Variants in KCNB2 observed in about 807,000 individuals in gnomAD.
KCNB2 encodes the protein potassium voltage-gated channel subfamily B member 2.
In KCNB2, 15 loss-of-function variants were observed where a neutral mutation model predicts 61.5. That is an observed-to-expected ratio of 0.24 (90% confidence interval 0.16 to 0.38). KCNB2 has a LOEUF of 0.38. Ranked by LOEUF, KCNB2 falls within the 10% of genes least tolerant of loss-of-function variation. The probability of loss-of-function intolerance (pLI) is 1.00; values close to 1 mark genes in which losing one functional copy is unlikely to be tolerated. For missense variants in KCNB2, 828 were observed against 1,125.2 expected (o/e 0.74, Z 3.78); for synonymous variants, 457 against 446.0 (o/e 1.02, Z -0.31).
At chr8:72,784,381 T>A (rs1293125851) in intron 2 of KCNB2, among the ~76,000 whole-genome samples, 1 of 152,194 alleles carries the variant, frequency 6.6e-6, no homozygotes, top group African/African-American at 2.4e-5. Context: ...GGCTTACTTC[T>A]CTTATCACAA....
intron 2 of KCNB2, among the ~76,000 whole-genome samples, chr8:72,910,075 G>A (rs568262259): frequency 1.8e-4 from 28 of 152,162 alleles, no homozygotes; most frequent in Non-Finnish European, 3.5e-4. Context: ...GGACTTTCAC[G>A]TCAGAGGAGA....
chr8:72,701,385 G>T (rs1807122307), intron 2 of KCNB2, among the ~76,000 whole-genome samples: 1 of 152,014 alleles, frequency 6.6e-6, no homozygotes, highest in South Asian at 2.1e-4. Context: ...ATAAAAGCAA[G>T]CACATCTCAT....
intron 2 of KCNB2, among the ~76,000 whole-genome samples, chr8:72,931,885 C>T (rs1377127021): frequency 2.0e-5 from 3 of 152,118 alleles, no homozygotes; most frequent in Admixed American, 6.5e-5. Context: ...TGGTGGTGCA[C>T]ACCTGTATTC....
intron 2 of KCNB2, among the ~76,000 whole-genome samples, chr8:72,900,113 G>T (rs1364246149): frequency 1.3e-5 from 2 of 152,124 alleles, no homozygotes; most frequent in African/African-American, 2.4e-5. Context: ...CAAGGCTGCA[G>T]TAATCAAAAC....
chr8:72,630,071 C>G (rs989175794), intron 2 of KCNB2, among the ~76,000 whole-genome samples: 3 of 152,142 alleles, frequency 2.0e-5, no homozygotes, highest in Non-Finnish European at 4.4e-5. Flanking sequence ...CAGTTGTATG[C>G]TGGAATTGAC....
Position 72,568,139 on chromosome 8 carries a change from C to T in KCNB2, c.405C>T (p.Ser135=). The T allele has an allele frequency of 6.2e-7, 1 of 1,614,010 alleles. No individual in the cohort carries two copies. The highest frequency in any genetic ancestry group is 8.5e-7 in the Non-Finnish European group (1 of 1,180,018). The change falls in exon 2 of 3, where the codon TCC becomes TCT. Residue 135 remains serine (S), a synonymous_variant. Coordinates refer to ENST00000523207, the MANE Select transcript of KCNB2 (RefSeq NM_004770.3). ...YWGIDEIYLE[S]CCQARYHQKK... ...GGATTGATGAGATCTACTTGGAGTC[C>T]TGCTGCCAGGCCAGATATCATCAAA...
chr8:72,733,362 A>G (rs1233462174), intron 2 of KCNB2, among the ~76,000 whole-genome samples: 1 of 152,054 alleles, frequency 6.6e-6, no homozygotes. Flanking sequence ...CTCCACCTCA[A>G]CCAGGATGGA....
chr8:72,730,461 A>G (rs1807722550), intron 2 of KCNB2, among the ~76,000 whole-genome samples: 1 of 152,314 alleles, frequency 6.6e-6, no homozygotes, highest in South Asian at 2.1e-4. Context: ...GATTAATTAT[A>G]CCTGTTGTGA....
chr8:72,901,911 A>C (rs1189913350), intron 2 of KCNB2, among the ~76,000 whole-genome samples: 1 of 152,186 alleles, frequency 6.6e-6, no homozygotes, highest in Non-Finnish European at 1.5e-5. Flanking sequence ...TGAAGTAGAA[A>C]ACAATGTCAC....
intron 1 of KCNB2, among the ~76,000 whole-genome samples, chr8:72,545,652 A>G (rs35080682): frequency 0.059 from 8,918 of 152,110 alleles, 350 homozygotes; most frequent in Non-Finnish European, 0.084. Context: ...TAATAACCCT[A>G]CAATGACCTT....
chr8:72,802,567 A>G (rs1011873197), intron 2 of KCNB2, among the ~76,000 whole-genome samples: 1 of 152,098 alleles, frequency 6.6e-6, no homozygotes, highest in African/African-American at 2.4e-5. Flanking sequence ...GTGTTTGGCA[A>G]TGTGCTATGT....
At chr8:72,705,075 G>C (rs1214879117) in intron 2 of KCNB2, among the ~76,000 whole-genome samples, 1 of 152,178 alleles carries the variant, frequency 6.6e-6, no homozygotes, top group Non-Finnish European at 1.5e-5. Context: ...GCTGTGGGAG[G>C]TAATAAAGCC....
chr8:72,636,475 T>C (rs762755922), intron 2 of KCNB2, among the ~76,000 whole-genome samples: 2 of 152,196 alleles, frequency 1.3e-5, no homozygotes, highest in African/African-American at 2.4e-5. Flanking sequence ...TTGATTAGAT[T>C]AGGTTATAAT....
intron 1 of KCNB2, among the ~76,000 whole-genome samples, chr8:72,550,339 A>G (rs421151): frequency 0.11 from 16,012 of 152,254 alleles, 991 homozygotes; most frequent in East Asian, 0.28. Flanking sequence ...GCTAATATTT[A>G]TTAAACACTT....
At chr8:72,599,130 C>T (rs1167150364) in intron 2 of KCNB2, among the ~76,000 whole-genome samples, 12 of 152,094 alleles carry the variant, frequency 7.9e-5, no homozygotes, top group Admixed American at 2.6e-4. Flanking sequence ...AAAAAGAGCC[C>T]GCATCGCCAA....
At chr8:72,897,628 G>A (rs1806013961) in intron 2 of KCNB2, among the ~76,000 whole-genome samples, 1 of 152,116 alleles carries the variant, frequency 6.6e-6, no homozygotes. Context: ...CTGAAGCTTA[G>A]GGTTTGATCC....
intron 2 of KCNB2, among the ~76,000 whole-genome samples, chr8:72,870,205 G>T (rs939983023): frequency 3.9e-5 from 6 of 152,084 alleles, no homozygotes; most frequent in African/African-American, 1.4e-4. Flanking sequence ...GAAATGGGGG[G>T]TTGCTGTTCA....
chr8:72,725,537 A>ATG (rs1563571867), intron 2 of KCNB2, among the ~76,000 whole-genome samples: 13,169 of 52,618 alleles, frequency 0.25, 1,208 homozygotes, highest in Non-Finnish European at 0.33. Flanking sequence ...ATATATATAT[A>ATG]TATGTGTGTA....
At chr8:72,921,937 G>A (rs1285278505) in intron 2 of KCNB2, among the ~76,000 whole-genome samples, 1 of 152,160 alleles carries the variant, frequency 6.6e-6, no homozygotes, top group Non-Finnish European at 1.5e-5. Flanking sequence ...GGCTCTGTGA[G>A]TGTTCTTAGC....
Sources: gnomAD v4.1 joint callset for allele counts (sites outside exome capture counted in the v4.1 genomes callset) on GRCh38, gnomAD v4.1.1 for gene constraint, MANE v1.5 for transcripts, NCBI Gene and HGNC (gene_info 2026-07-23, HGNC 2026-07-21) for gene names.